The following PICALM variants were observed in gnomAD, a reference collection of about 807,000 sequenced individuals.
PICALM encodes the protein phosphatidylinositol-binding clathrin assembly protein.
A neutral mutation model predicts 80.5 loss-of-function variants in PICALM; 40 were observed. That is an observed-to-expected ratio of 0.50 (90% CI 0.39 to 0.65). The LOEUF (loss-of-function observed/expected upper bound fraction) is 0.65. Among genes scored for constraint, PICALM ranks in the 30% least tolerant of loss-of-function variants. PICALM has a pLI of 0.00. For missense variants in PICALM, 676 were observed against 778.9 expected (o/e 0.87, Z 1.57); for synonymous variants, 288 against 260.3 (o/e 1.11, Z -1.02).
chr11:86,008,114 G>C (rs1007360264), intron 7 of PICALM, among the ~76,000 whole-genome samples: 10 of 152,152 alleles, frequency 6.6e-5, no homozygotes, highest in Non-Finnish European at 1.0e-4. Flanking sequence ...TATCTAATCA[G>C]GATATAACTG....
At chr11:86,050,738 C>T (rs1192251887) in intron 1 of PICALM, among the ~76,000 whole-genome samples, 3 of 152,130 alleles carry the variant, frequency 2.0e-5, no homozygotes, top group Non-Finnish European at 4.4e-5. Context: ...CTTACACACC[C>T]TCAGCTGATC....
chr11:86,039,730 T>C (rs917581875), intron 1 of PICALM, among the ~76,000 whole-genome samples: 1 of 152,066 alleles, frequency 6.6e-6, no homozygotes, highest in African/African-American at 2.4e-5. Flanking sequence ...GTTGGGTGTC[T>C]TCAGAACTTT....
intron 1 of PICALM, among the ~76,000 whole-genome samples, chr11:86,045,148 A>G (rs1261683430): frequency 1.3e-5 from 2 of 152,226 alleles, no homozygotes; most frequent in African/African-American, 4.8e-5. Context: ...CATTATTAAT[A>G]TATCACTATA....
At chr11:86,007,818 T>C (rs2095309718) in intron 7 of PICALM, among the ~76,000 whole-genome samples, 3 of 152,096 alleles carry the variant, frequency 2.0e-5, no homozygotes, top group Admixed American at 2.0e-4. Context: ...AAATCTAAGT[T>C]ACCATCCCTG....
At chr11:86,057,144 A>C (rs562454519) in intron 1 of PICALM, among the ~76,000 whole-genome samples, 12 of 152,232 alleles carry the variant, frequency 7.9e-5, no homozygotes, top group African/African-American at 2.9e-4. Context: ...CTCTACTTTA[A>C]AACTGAATTT....
chr11:85,967,030 G>A (rs1357835857), intron 19 of PICALM, among the ~76,000 whole-genome samples: 2 of 152,174 alleles, frequency 1.3e-5, no homozygotes, highest in African/African-American at 4.8e-5. Flanking sequence ...GGTACACTTT[G>A]TTACAGCAGT....
chr11:86,067,472 G>A (rs2096463347), intron 1 of PICALM, among the ~76,000 whole-genome samples: 1 of 152,096 alleles, frequency 6.6e-6, no homozygotes, highest in Non-Finnish European at 1.5e-5. Flanking sequence ...GAAAAAGGAG[G>A]GTATTACAGG....
At chr11:86,012,750 C>T (rs1332625664) in intron 5 of PICALM, among the ~76,000 whole-genome samples, 1 of 149,588 alleles carries the variant, frequency 6.7e-6, no homozygotes, top group East Asian at 1.9e-4. Flanking sequence ...AAACTAAGCA[C>T]AAAATTGAAT....
At chr11:85,997,222 C>T (rs1487534737) in intron 11 of PICALM, among the ~76,000 whole-genome samples, 1 of 152,074 alleles carries the variant, frequency 6.6e-6, no homozygotes, top group Admixed American at 6.5e-5. Context: ...TAAAATGAAC[C>T]TAAACAACAA....
intron 4 of PICALM, among the ~76,000 whole-genome samples, chr11:86,017,227 A>C (rs2095495448): frequency 6.6e-6 from 1 of 151,878 alleles, no homozygotes; most frequent in South Asian, 2.1e-4. Flanking sequence ...TGTCTCAAAA[A>C]AAAAAAAAAA....
chr11:85,970,618 C>T (rs568695887), intron 19 of PICALM, among the ~76,000 whole-genome samples: 1 of 152,282 alleles, frequency 6.6e-6, no homozygotes, highest in South Asian at 2.1e-4. Flanking sequence ...GAGTTTGAGA[C>T]CAGCCTGGCC....
rs1555002813 is a variant in PICALM at position 85,963,943 on chromosome 11, T to TTTA, written c.1945-4884_1945-4883insTAA. On this transcript the variant is annotated intron_variant, in intron 19 of 19. Coordinates refer to ENST00000393346, the MANE Select transcript of PICALM (RefSeq NM_007166.4). Reference sequence around the variant, plus strand: ...GGCTTTTTTTTTTTTTTTTTTTTTTTATTAAAGTTAAGGTCTTGCAATGTT... The same window carrying TTTA: ...GGCTTTTTTTTTTTTTTTTTTTTTTTTTAATTAAAGTTAAGGTCTTGCAATGTT... Among the ~76,000 whole-genome samples, 74 of 146,426 alleles carry TTTA rather than the reference T, an allele frequency of 5.1e-4. 1 individual carries two copies. Among genetic ancestry groups the TTTA allele is most frequent in the Middle Eastern group, 3.6e-3 (1 of 280 alleles).
intron 1 of PICALM, among the ~76,000 whole-genome samples, chr11:86,065,171 C>T (rs1175588723): frequency 6.6e-6 from 1 of 152,126 alleles, no homozygotes; most frequent in Admixed American, 6.5e-5. Flanking sequence ...GTGGGCCAGG[C>T]ACAGTGGCTC....
At chr11:86,025,225 C>A (rs896863116) in intron 3 of PICALM, among the ~76,000 whole-genome samples, 1 of 152,050 alleles carries the variant, frequency 6.6e-6, no homozygotes, top group Non-Finnish European at 1.5e-5. Context: ...CATGGTGAAA[C>A]CCCATCTCTA....
At chr11:86,007,641 T>A in intron 7 of PICALM, 58 bp from the exon 8 acceptor site, 1 of 788,024 alleles carries the variant, frequency 1.3e-6, no homozygotes, top group Non-Finnish European at 1.9e-6. Flanking sequence ...TAAATAAAAT[T>A]TGGAAAAATG....
At chr11:85,985,415 G>A (rs1314063387) in intron 13 of PICALM, among the ~76,000 whole-genome samples, 5 of 152,180 alleles carry the variant, frequency 3.3e-5, no homozygotes, top group South Asian at 2.1e-4. Flanking sequence ...ATTCTGTAGC[G>A]CACACATTTT....
At chr11:86,057,601 G>GTT (rs398076095) in intron 1 of PICALM, among the ~76,000 whole-genome samples, 2 of 151,832 alleles carry the variant, frequency 1.3e-5, no homozygotes, top group Non-Finnish European at 2.9e-5. Flanking sequence ...GTGTGTGTGT[G>GTT]TATGTACACA....
chr11:86,030,842 T>C (rs2095738876), intron 2 of PICALM, among the ~76,000 whole-genome samples: 2 of 152,150 alleles, frequency 1.3e-5, no homozygotes, highest in African/African-American at 4.8e-5. Flanking sequence ...AAGCTGGGTG[T>C]GATGGCTTAC....
intron 7 of PICALM, among the ~76,000 whole-genome samples, chr11:86,010,030 A>G (rs956329856): frequency 3.3e-5 from 5 of 152,226 alleles, no homozygotes; most frequent in East Asian, 1.9e-4. Context: ...TAGAATCACT[A>G]TGTTGCTAAT....
Sources: allele counts gnomAD v4.1 joint callset (sites outside exome capture counted in the v4.1 genomes callset), GRCh38; gene constraint gnomAD v4.1.1; transcripts MANE v1.5; gene names NCBI Gene and HGNC (gene_info 2026-07-23, HGNC 2026-07-21).